The following ASNS variants were observed in gnomAD, a reference collection of about 807,000 sequenced individuals.
The protein encoded by ASNS is asparagine synthetase [glutamine-hydrolyzing].
Under a neutral mutation model 62.6 loss-of-function variants are expected in ASNS, and 37 were observed. That is an observed-to-expected ratio of 0.59 (90% CI 0.45 to 0.78). ASNS has a LOEUF of 0.78. Ranked by LOEUF, ASNS falls within the 30% of genes least tolerant of loss-of-function variation. ASNS has a pLI of 0.00. For synonymous variants in ASNS, 207 were observed against 237.9 expected (o/e 0.87, Z 1.19); for missense variants, 520 against 682.4 (o/e 0.76, Z 2.65).
the ASNS span, among the ~76,000 whole-genome samples, chr7:97,893,095 G>T: frequency 6.6e-6 from 1 of 152,254 alleles, no homozygotes; most frequent in Non-Finnish European, 1.5e-5. Context: ...CATTGCGGAA[G>T]TCAAGGAGAG....
At chr7:97,870,861 GA>G (rs754327175) in intron 1 of ASNS, among the ~76,000 whole-genome samples, 1 of 152,034 alleles carries the variant, frequency 6.6e-6, no homozygotes, top group South Asian at 2.1e-4. Context: ...AACTGGAGGG[GA>G]AAAAGGGAGA....
At chr7:97,910,472 A>T in the ASNS span, among the ~76,000 whole-genome samples, 6 of 152,252 alleles carry the variant, frequency 3.9e-5, no homozygotes, top group East Asian at 1.2e-3. Context: ...CTTTATTGGG[A>T]TCAGAGCCAG....
chr7:97,852,840 G>C (rs142010574), intron 12 of ASNS, among the ~76,000 whole-genome samples: 3 of 152,022 alleles, frequency 2.0e-5, no homozygotes, highest in Non-Finnish European at 4.4e-5. Context: ...TAATTCTTAC[G>C]TAATTCTTAC....
the ASNS span, among the ~76,000 whole-genome samples, chr7:97,896,630 G>A: frequency 5.6e-4 from 64 of 113,904 alleles, no homozygotes; most frequent in East Asian, 0.015. Flanking sequence ...ATATATATAT[G>A]TATATATATA....
Position 97,852,429 on chromosome 7 carries a change from G to A in ASNS, c.1516C>T (p.Pro506Ser), listed in dbSNP as rs752871601. 11 of 1,614,128 alleles carry A rather than the reference G, an allele frequency of 6.8e-6. 1 individual carries two copies. In the South Asian group the frequency reaches 1.1e-4, roughly 16 times the overall value. The change falls in exon 13 of 13, where the codon CCC becomes TCC. Residue 506 changes from proline to serine, a missense_variant. By Grantham distance (74) the Pro-to-Ser change is moderately conservative. Transcript: ENST00000394308. ...TCTTTGGTTTTAGGAGTATTGAAGGGAAATTTCTGGGCTGCATTTGCCATC... is the reference window on the plus strand; with the variant it reads ...TCTTTGGTTTTAGGAGTATTGAAGGAAAATTTCTGGGCTGCATTTGCCATC... ...AMMANAAQKF[P>S]FNTPKTKEGY...
At chr7:97,881,526 T>C in the ASNS span, among the ~76,000 whole-genome samples, 4 of 152,120 alleles carry the variant, frequency 2.6e-5, no homozygotes, top group East Asian at 7.7e-4. Flanking sequence ...TCATGTAATA[T>C]ATATAATAAC....
At chr7:97,921,085 C>A in the ASNS span, among the ~76,000 whole-genome samples, 2 of 152,300 alleles carry the variant, frequency 1.3e-5, no homozygotes, top group East Asian at 3.9e-4. Context: ...GCACACTAGC[C>A]CAGTGCCCAG....
At chr7:97,856,638 T>C in intron 8 of ASNS, 52 bp downstream of exon 8, 2 of 1,444,454 alleles carry the variant, frequency 1.4e-6, no homozygotes, top group Non-Finnish European at 1.9e-6. Context: ...AACCTTACAT[T>C]TTTTTCAGTA....
chr7:97,855,851 G>A (rs1584460284), intron 8 of ASNS, among the ~76,000 whole-genome samples: 1 of 152,068 alleles, frequency 6.6e-6, no homozygotes, highest in African/African-American at 2.4e-5. Context: ...AATTTTGATG[G>A]GTATTTTCCC....
chr7:97,857,257 TCG>T (rs932639651), intron 7 of ASNS, among the ~76,000 whole-genome samples: 13 of 152,306 alleles, frequency 8.5e-5, no homozygotes, highest in African/African-American at 3.1e-4. Context: ...TTGGATTCTC[TCG>T]GCATTGATTA....
chr7:97,904,793 A>G, the ASNS span, among the ~76,000 whole-genome samples: 1 of 152,298 alleles, frequency 6.6e-6, no homozygotes, highest in East Asian at 1.9e-4. Flanking sequence ...ATAAAGAACA[A>G]TCCTCCAAAA....
chr7:97,859,193 G>A lies in ASNS; in HGVS notation c.673+20C>T, dbSNP rs1254789297. On this transcript the variant is annotated intron_variant, in intron 5 of 12. Coordinates refer to ENST00000394308, the MANE Select transcript of ASNS (RefSeq NM_001673.5). ...TTCCCTTGGAGAAGGATGGGGAATA[G>A]GTGGGTGGGTGTCTGCTACCTGGAA... 3.1e-6 allele frequency: 5 copies of A among 1,591,052 alleles called. No homozygotes were observed. In the South Asian group the frequency reaches 5.7e-5, roughly 18 times the overall value.
rs76580431 is a variant in ASNS, at chr7:97,858,163, A to T, written c.903+115T>A. Reference sequence around the variant, plus strand: ...TCTATTTTAATACAATCAATTTAAAACAATTGACCCAGTCAATACAGCAGC... The same window carrying T: ...TCTATTTTAATACAATCAATTTAAATCAATTGACCCAGTCAATACAGCAGC... On this transcript the variant is annotated intron_variant, in intron 7 of 12. Coordinates refer to ENST00000394308, the MANE Select transcript of ASNS (RefSeq NM_001673.5). The T allele has an allele frequency of 6.3e-4, 852 of 1,358,138 alleles. 5 individuals are homozygous for T. In the African/African-American group the frequency reaches 0.012, roughly 18 times the overall value. 84.1% of individuals were successfully genotyped at this position (1,358,138 alleles called of 1,614,324 possible). A position where few individuals can be genotyped will look rare whatever the true frequency, so the allele number is the denominator to read the frequency against.
At chr7:97,880,133 C>CT in the ASNS span, among the ~76,000 whole-genome samples, 19 of 146,636 alleles carry the variant, frequency 1.3e-4, no homozygotes, top group Admixed American at 3.4e-4. Context: ...TCATCTCTGT[C>CT]TTTTTTTTTT....
At chr7:97,896,741 C>CATATATAT in the ASNS span, among the ~76,000 whole-genome samples, 73 of 19,764 alleles carry the variant, frequency 3.7e-3, 3 homozygotes, top group Admixed American at 5.8e-3. Flanking sequence ...CACACACACA[C>CATATATAT]ATATATATAT....
the ASNS span, among the ~76,000 whole-genome samples, chr7:97,899,516 T>C: frequency 9.9e-5 from 15 of 152,242 alleles, no homozygotes; most frequent in Non-Finnish European, 2.1e-4. Context: ...GTTTTTAATA[T>C]ATTCAGAGAT....
At chr7:97,915,604 CAG>C in the ASNS span, among the ~76,000 whole-genome samples, 1 of 152,026 alleles carries the variant, frequency 6.6e-6, no homozygotes, top group African/African-American at 2.4e-5. Context: ...AAGCAGATAA[CAG>C]GGGGTTGCTG....
chr7:97,896,741 C>CACACATAT, the ASNS span, among the ~76,000 whole-genome samples: 42 of 19,766 alleles, frequency 2.1e-3, no homozygotes, highest in South Asian at 7.6e-3. Context: ...CACACACACA[C>CACACATAT]ATATATATAT....
chr7:97,896,737 CACACATATATATATATATATAT>C, the ASNS span, among the ~76,000 whole-genome samples: 5 of 30,496 alleles, frequency 1.6e-4, no homozygotes, highest in Non-Finnish European at 3.2e-4. Flanking sequence ...CACACACACA[CACACATATATATATATATATAT>C]ATATATATAT....
Sources: allele counts gnomAD v4.1 joint callset (sites outside exome capture counted in the v4.1 genomes callset), GRCh38; gene constraint gnomAD v4.1.1; transcripts MANE v1.5; gene names NCBI Gene and HGNC (gene_info 2026-07-23, HGNC 2026-07-21).